Variants in IL17RB observed in about 807,000 individuals in gnomAD.
IL17RB encodes the protein interleukin 17 receptor B.
IL17RB carries 36 observed loss-of-function variants against 43.9 expected under a neutral mutation model. That is an observed-to-expected ratio of 0.82 (90% confidence interval 0.63 to 1.08). The LOEUF (loss-of-function observed/expected upper bound fraction) is 1.08. Ranked by LOEUF, IL17RB falls within the 50% of genes least tolerant of loss-of-function variation. IL17RB has a pLI of 0.00. For missense variants in IL17RB, 613 were observed against 613.6 expected, an observed-to-expected ratio of 1.00 and a Z score of 0.01; for synonymous variants, 225 against 225.4, an observed-to-expected ratio of 1.00 and a Z score of 0.02.
In IL17RB at chr3:53,854,307, G is replaced by C. The variant is rs571895839; in HGVS notation, c.482-987G>C. ...CGTCTTGTATTACCATGATACATTT[G>C]TCAAAACTAAGAAACCAACATTAGT... On this transcript the variant is annotated intron_variant, in intron 5 of 10. Coordinates refer to ENST00000288167, the MANE Select transcript of IL17RB (RefSeq NM_018725.4). Among the ~76,000 whole-genome samples, 8 of 152,266 alleles carry C rather than the reference G, an allele frequency of 5.3e-5. No homozygotes were observed. The South Asian group carries it at 1.5e-3, about 28-fold the overall frequency.
intron 2 of IL17RB, among the ~76,000 whole-genome samples, chr3:53,849,169 G>T (rs914936542): frequency 2.0e-5 from 3 of 152,232 alleles, no homozygotes; most frequent in African/African-American, 7.2e-5. Flanking sequence ...CAGCTGGCTG[G>T]AATCCAGGGC....
At chr3:53,849,871 A>G in intron 3 of IL17RB, 76 bp downstream of exon 3, 1 of 1,401,950 alleles carries the variant, frequency 7.1e-7, no homozygotes, top group Middle Eastern at 2.0e-4. Context: ...TGAACCATTA[A>G]TTCCCCTTCT....
rs1400366900 is a variant in IL17RB at position 53,855,319 on chromosome 3, T to C, written c.507T>C (p.Tyr169=). ...SPGCLDHIMK[Y]KKKCVKAGSL... ...GCTGCCTAGACCACATAATGAAATA[T>C]AAAAAAAAGTGTGTCAAGGCCGGTA... Residue 169 remains tyrosine (Y), a synonymous_variant, in exon 6 of 11, where the codon TAT becomes TAC. Coordinates refer to ENST00000288167, the MANE Select transcript of IL17RB (RefSeq NM_018725.4). The C allele has an allele frequency of 3.1e-6, 5 of 1,605,740 alleles. No homozygotes were observed. Among genetic ancestry groups the C allele is most frequent in the South Asian group, 1.1e-5 (1 of 90,220 alleles).
At chr3:53,858,126 G>GT (rs1699415006) in intron 8 of IL17RB, 1 of 193,008 alleles carries the variant, frequency 5.2e-6, no homozygotes, top group South Asian at 1.0e-4. Context: ...AGTTGGAGCA[G>GT]TAGGTGCTCC....
chr3:53,855,815 C>T (rs1345443384), intron 6 of IL17RB, among the ~76,000 whole-genome samples: 2 of 152,196 alleles, frequency 1.3e-5, no homozygotes, highest in Non-Finnish European at 2.9e-5. Flanking sequence ...CACAATTACG[C>T]TCTCAATTTG....
At chr3:53,863,141 A>C (rs1134091) in intron 10 of IL17RB, among the ~76,000 whole-genome samples, 34,517 of 152,206 alleles carry the variant, frequency 0.23, 4,941 homozygotes, top group East Asian at 0.4. Context: ...CATAATACAC[A>C]TAACATGCAA....
At position 53,865,056 on chromosome 3, in the gene IL17RB, T is replaced by C. The variant is rs987407603; in HGVS notation, c.1257T>C (p.Ser419=). 4 of 1,614,050 alleles carry C rather than the reference T, an allele frequency of 2.5e-6. No individual in the cohort carries two copies. Among genetic ancestry groups the C allele is most frequent in the African/African-American group, 1.3e-5 (1 of 74,936 alleles). Residue 419 remains serine (S), a synonymous_variant, in exon 11 of 11, where the codon TCT becomes TCC. Transcript: ENST00000288167. The stretch of plus-strand genomic sequence containing the variant: ...GCGAGGGCAGTCCCAGTGAGAACTC[T>C]CAAGACCTCTTCCCCCTTGCCTTTA... The part of the protein sequence containing the change: ...GKSEGSPSEN[S]QDLFPLAFNL...
At position 53,861,852 on chromosome 3, in the gene IL17RB, T is replaced by A. The variant is rs11716354; in HGVS notation, c.946+1624T>A. ...AAAGTGTCCTCTTCTGGGAAAAAAA[T>A]GCTACAAAGGACATTGATTAGTAAG... On this transcript the variant is annotated intron_variant, in intron 10 of 10. Transcript: ENST00000288167. 9.0e-3 allele frequency among the ~76,000 whole-genome samples: 1,375 copies of A among 152,160 alleles called. 65 individuals carry two copies. The East Asian group carries it at 0.14, about 16-fold the overall frequency.
At chr3:53,851,636 G>A (rs1699151957) in intron 3 of IL17RB, among the ~76,000 whole-genome samples, 1 of 152,118 alleles carries the variant, frequency 6.6e-6, no homozygotes. Context: ...GGTCTTTGTG[G>A]GTCTCCCTGA....
chr3:53,852,821 T>C, intron 4 of IL17RB, 50 bp from the exon 5 acceptor site: 1 of 1,591,412 alleles, frequency 6.3e-7, no homozygotes, highest in East Asian at 2.2e-5. Context: ...GTATACTGTT[T>C]CTGTACTGCA....
At chr3:53,861,706 G>A (rs1315138157) in intron 10 of IL17RB, 1 of 152,214 alleles carries the variant, frequency 6.6e-6, no homozygotes, top group East Asian at 1.9e-4. Flanking sequence ...CTTAAAAACT[G>A]TCAAGATAAC....
rs142187324 is a variant in IL17RB at position 53,865,287 on chromosome 3, C to A, written c.1488C>A (p.His496Gln). Residue 496 changes from histidine to glutamine, a missense_variant, in exon 11 of 11, where the codon CAC becomes CAA. Physicochemically the swap from His to Gln is conservative, Grantham distance 24. Coordinates refer to ENST00000288167, the MANE Select transcript of IL17RB (RefSeq NM_018725.4). ...VSAGKRSQAC[H>Q]DGCCSL Reference sequence around the variant, plus strand: ...CAGGAAAAAGATCACAAGCCTGCCACGATGGCTGCTGCTCCTTGTAGCCCA... The same window carrying A: ...CAGGAAAAAGATCACAAGCCTGCCAAGATGGCTGCTGCTCCTTGTAGCCCA... The A allele has an allele frequency of 6.2e-7, 1 of 1,606,712 alleles. No individual in the cohort carries two copies. Among genetic ancestry groups the A allele is most frequent in the Non-Finnish European group, 8.5e-7 (1 of 1,179,686 alleles).
At chr3:53,848,739 T>TGGACTTTTA in intron 2 of IL17RB, 51 bp downstream of exon 2, 1 of 1,598,870 alleles carries the variant, frequency 6.3e-7, no homozygotes, top group Non-Finnish European at 8.6e-7. Context: ...AAAGCACAGT[T>TGGACTTTTA]GGACTTTTAG....
In IL17RB at chr3:53,865,006, GT is replaced by G; in HGVS notation, c.1208del (p.Val403GlyfsTer32). 6.2e-7 allele frequency: 1 copy of G among 1,614,182 alleles called. No homozygotes were observed. The highest frequency in any genetic ancestry group is 8.5e-7 in the Non-Finnish European group (1 of 1,180,044). ...VFLLSNDVNS[V>X]CDGTCGKSEG... ...CCTTCTTTCCAATGACGTCAACAGT[GT>G]GTGCGATGGTACCTGTGGCAAGAGC... On this transcript the variant is annotated frameshift_variant, in exon 11 of 11. Transcript: ENST00000288167. LOFTEE classifies it low-confidence loss of function (END_TRUNC).
chr3:53,846,712 C>A lies in IL17RB; in HGVS notation c.60+64C>A. ...CCTCGAGCCCAGATCCTGACGTCGTCTGATCCGCCAGTCCAGGCTGCCCCG... is the reference window on the plus strand; with the variant it reads ...CCTCGAGCCCAGATCCTGACGTCGTATGATCCGCCAGTCCAGGCTGCCCCG... On this transcript the variant is annotated intron_variant, in intron 1 of 10. Coordinates refer to ENST00000288167, the MANE Select transcript of IL17RB (RefSeq NM_018725.4). 2.0e-6 allele frequency: 3 copies of A among 1,484,854 alleles called. No individual in the cohort carries two copies. In the South Asian group the frequency reaches 3.7e-5, roughly 18 times the overall value. The allele number at this position is 1,484,854 out of a possible 1,614,324, so 92.0% of individuals were successfully genotyped here.
rs778849621 is a variant in IL17RB at position 53,846,684 on chromosome 3, G to A, written c.60+36G>A. 14 of 1,555,182 alleles carry A rather than the reference G, an allele frequency of 9.0e-6. No individual in the cohort carries two copies. The South Asian group carries it at 1.1e-4, about 12-fold the overall frequency. ...GCCAGCACCTCTTCCCTCATCTCCC[G>A]GCCCTCGAGCCCAGATCCTGACGTC... On this transcript the variant is annotated intron_variant, in intron 1 of 10. Transcript: ENST00000288167.
At position 53,849,282 on chromosome 3, in the gene IL17RB, G is replaced by A. The variant is rs536543187; in HGVS notation, c.86-373G>A. On this transcript the variant is annotated intron_variant, in intron 2 of 10. Coordinates refer to ENST00000288167, the MANE Select transcript of IL17RB (RefSeq NM_018725.4). ...TACCTGGAGTGGTCCCACGTGCTCT[G>A]TAGGTGAAAGCCAGGAGGTTGAGAG... Among the ~76,000 whole-genome samples, 8 of 152,338 alleles carry A rather than the reference G, an allele frequency of 5.3e-5. No individual in the cohort carries two copies. The East Asian group carries it at 1.2e-3, about 22-fold the overall frequency.
chr3:53,865,145 G>A lies in IL17RB; in HGVS notation c.1346G>A (p.Arg449Lys). Residue 449 changes from arginine to lysine, a missense_variant, in exon 11 of 11, where the codon AGA (arginine) becomes AAA (lysine). Physicochemically the swap from Arg to Lys is conservative, Grantham distance 26. Coordinates refer to ENST00000288167, the MANE Select transcript of IL17RB (RefSeq NM_018725.4). The stretch of plus-strand genomic sequence containing the variant: ...CACAAATACGTGGTGGTCTACTTTA[G>A]AGAGATTGATACAAAAGACGATTAC... ...HLHKYVVVYF[R>K]EIDTKDDYNA... 1 of 1,614,154 alleles carries A rather than the reference G, an allele frequency of 6.2e-7. No homozygotes were observed.
At chr3:53,848,205 G>A (rs1258632180) in intron 1 of IL17RB, among the ~76,000 whole-genome samples, 1 of 152,252 alleles carries the variant, frequency 6.6e-6, no homozygotes, top group East Asian at 1.9e-4. Context: ...CCTGAGGAAA[G>A]TACCATGGAC....
Sources: allele counts gnomAD v4.1 joint callset (sites outside exome capture counted in the v4.1 genomes callset), GRCh38; gene constraint gnomAD v4.1.1; transcripts MANE v1.5; gene names NCBI Gene and HGNC (gene_info 2026-07-23, HGNC 2026-07-21).